OS9: variants seen among roughly 807,000 people sequenced by gnomAD.
OS9 encodes OS9 endoplasmic reticulum lectin.
OS9 carries 58 observed loss-of-function variants against 84.7 expected under a neutral mutation model. That is an observed-to-expected ratio of 0.68 (90% confidence interval 0.55 to 0.85). OS9 has a LOEUF of 0.85. Among genes scored for constraint, OS9 ranks in the 40% least tolerant of loss-of-function variants. The pLI, the probability that OS9 is intolerant of heterozygous loss-of-function variation, is 0.00. For missense variants in OS9, 760 were observed against 850.9 expected (o/e 0.89, Z 1.33); for synonymous variants, 278 against 320.8 (o/e 0.87, Z 1.43).
intron 5 of OS9, among the ~76,000 whole-genome samples, chr12:57,697,551 A>C (rs1359438273): frequency 2.6e-5 from 4 of 152,184 alleles, no homozygotes; most frequent in Non-Finnish European, 4.4e-5. Flanking sequence ...CTGAAGTGTG[A>C]AGGAACAGGT....
chr12:57,699,696 C>T (rs1953963124), intron 5 of OS9, among the ~76,000 whole-genome samples: 1 of 152,170 alleles, frequency 6.6e-6, no homozygotes, highest in South Asian at 2.1e-4. Context: ...TTCCAGGCAC[C>T]CCTGACCAGT....
intron 5 of OS9, among the ~76,000 whole-genome samples, chr12:57,706,493 T>C (rs1954171475): frequency 1.3e-5 from 2 of 152,296 alleles, no homozygotes; most frequent in South Asian, 4.1e-4. Context: ...TCATAAAATA[T>C]CTTGAGGAGC....
At chr12:57,699,674 T>A (rs1438092225) in intron 5 of OS9, among the ~76,000 whole-genome samples, 1 of 152,228 alleles carries the variant, frequency 6.6e-6, no homozygotes, top group African/African-American at 2.4e-5. Context: ...ATGGAAAGTA[T>A]AAATTCTCTA....
chr12:57,707,707 G>T (rs1051113891), intron 5 of OS9, among the ~76,000 whole-genome samples: 2 of 152,084 alleles, frequency 1.3e-5, no homozygotes, highest in African/African-American at 4.8e-5. Context: ...CCACATGTTC[G>T]TTATTTTATC....
At chr12:57,711,024 G>A (rs1954310405) in intron 5 of OS9, among the ~76,000 whole-genome samples, 1 of 120,978 alleles carries the variant, frequency 8.3e-6, no homozygotes, top group Non-Finnish European at 1.6e-5. Flanking sequence ...GGGTGACTGA[G>A]CAAGACTCCG....
Position 57,696,305 on chromosome 12 carries a change from C to G in OS9, c.511C>G (p.His171Asp), listed in dbSNP as rs374437741. ...ASKQHRLKRY[H>D]SQTYGNGSKC... is the part of the protein sequence containing the mutation. ...CAAGCAGCATCGTCTTAAACGCTAC[C>G]ACAGCCAGACCTATGGCAATGGGTC... The change falls in exon 5 of 15, where the codon CAC (histidine) becomes GAC (aspartate). Residue 171 changes from histidine to aspartate, a missense_variant. Physicochemically the swap from His to Asp is moderately conservative, Grantham distance 81. Transcript: ENST00000315970. 12 of 1,613,586 alleles carry G rather than the reference C, an allele frequency of 7.4e-6. No homozygotes were observed. The highest frequency in any genetic ancestry group is 1.0e-5 in the Non-Finnish European group (12 of 1,179,738).
Position 57,717,970 on chromosome 12 carries a change from G to T in OS9, c.1134+12G>T. On this transcript the variant is annotated intron_variant, in intron 10 of 14. Transcript: ENST00000315970. ...GTGGAACAAAAAAGGTATAGGCCGT[G>T]CTTAGGGAATGGGTAGAACCCACCT... 1 of 1,601,220 alleles carries T rather than the reference G, an allele frequency of 6.2e-7. No homozygotes were observed. The highest frequency in any genetic ancestry group is 8.5e-7 in the Non-Finnish European group (1 of 1,174,740).
At chr12:57,716,228 C>T in intron 7 of OS9, 35 bp downstream of exon 7, 2 of 1,295,240 alleles carry the variant, frequency 1.5e-6, no homozygotes, top group Non-Finnish European at 2.2e-6. Context: ...GTGAAACTCA[C>T]TTCCATTTCT....
At chr12:57,703,750 G>A (rs1176895154) in intron 5 of OS9, among the ~76,000 whole-genome samples, 9 of 124,830 alleles carry the variant, frequency 7.2e-5, no homozygotes, top group Admixed American at 7.0e-4. Flanking sequence ...GACATTCCAT[G>A]TGAATTTTAA....
intron 5 of OS9, among the ~76,000 whole-genome samples, chr12:57,715,246 C>A (rs938569231): frequency 1.3e-5 from 2 of 151,974 alleles, no homozygotes; most frequent in Non-Finnish European, 2.9e-5. Flanking sequence ...GCCTGTAATC[C>A]CAGCTCCTCG....
rs745708258 is a variant in OS9 at position 57,696,331 on chromosome 12, C to A, written c.537C>A (p.Ser179=). ...RYHSQTYGNG[S]KCDLNGRPRE... ...ACAGCCAGACCTATGGCAATGGGTC[C>A]AAGTGCGACCTTAATGGGAGGCCCC... Residue 179 remains serine, a synonymous_variant, in exon 5 of 15, where the codon TCC becomes TCA. Transcript: ENST00000315970. 5.0e-6 allele frequency: 8 copies of A among 1,613,560 alleles called. No homozygotes were observed. The highest frequency in any genetic ancestry group is 1.1e-5 in the South Asian group (1 of 91,024).
At chr12:57,719,322 T>C (rs1171294753) in intron 12 of OS9, 140 bp downstream of exon 12, 2 of 676,164 alleles carry the variant, frequency 3.0e-6, no homozygotes, top group East Asian at 2.7e-5. Context: ...TGTCCTCACT[T>C]GCGCCTGCTT....
intron 5 of OS9, among the ~76,000 whole-genome samples, chr12:57,702,795 G>T (rs1954062816): frequency 6.6e-6 from 1 of 151,968 alleles, no homozygotes; most frequent in African/African-American, 2.4e-5. Context: ...GTGTGAAGTA[G>T]TATCTCATAG....
intron 5 of OS9, among the ~76,000 whole-genome samples, chr12:57,714,128 A>G (rs889896611): frequency 6.6e-6 from 1 of 151,848 alleles, no homozygotes; most frequent in African/African-American, 2.4e-5. Context: ...AAGATTTAGT[A>G]GATTTTCTTG....
At position 57,718,269 on chromosome 12, in the gene OS9, G is replaced by A. The variant is rs1259424440; in HGVS notation, c.1258G>A (p.Asp420Asn). ...AGAGATGGAAGAAGAGGAGGATGAG[G>A]ATGAGGATGAGGATGAAGATGAGGA... ...QREMEEEEDEDEDEDEDEDER... is the reference protein window; with the variant it reads ...QREMEEEEDENEDEDEDEDER... The change falls in exon 11 of 15, where the codon GAT (aspartate) becomes AAT (asparagine). Residue 420 changes from aspartate to asparagine, a missense_variant. Asp to Asn is a conservative substitution (Grantham distance 23, BLOSUM62 1). Coordinates refer to ENST00000315970, the MANE Select transcript of OS9 (RefSeq NM_006812.4). The A allele has an allele frequency of 8.7e-6, 14 of 1,614,076 alleles. No individual in the cohort carries two copies. The African/African-American group carries it at 1.7e-4, about 20-fold the overall frequency.
At chr12:57,705,149 C>G (rs1954130419) in intron 5 of OS9, among the ~76,000 whole-genome samples, 1 of 152,108 alleles carries the variant, frequency 6.6e-6, no homozygotes, top group East Asian at 1.9e-4. Flanking sequence ...ATTACTATAG[C>G]TTTTTCATAA....
intron 3 of OS9, 37 bp from the exon 4 acceptor site, chr12:57,695,920 CCTCTT>C: frequency 4.4e-6 from 7 of 1,576,680 alleles, no homozygotes; most frequent in Non-Finnish European, 6.1e-6. Context: ...TCCTCCTCCT[CCTCTT>C]AAGAGTAACA....
At chr12:57,710,578 A>ATTCATT (rs1351796416) in intron 5 of OS9, among the ~76,000 whole-genome samples, 1 of 152,112 alleles carries the variant, frequency 6.6e-6, no homozygotes. Flanking sequence ...TGCCTAGCTC[A>ATTCATT]TTCATTTTCA....
At chr12:57,699,492 G>A (rs773888328) in intron 5 of OS9, among the ~76,000 whole-genome samples, 3 of 152,190 alleles carry the variant, frequency 2.0e-5, no homozygotes, top group Admixed American at 6.5e-5. Flanking sequence ...ACATGGAAAC[G>A]AGGAAGGACA....
Sources: allele counts gnomAD v4.1 joint callset (sites outside exome capture counted in the v4.1 genomes callset), GRCh38; gene constraint gnomAD v4.1.1; transcripts MANE v1.5; gene names NCBI Gene and HGNC (gene_info 2026-07-23, HGNC 2026-07-21).